Variants in LHFPL3 observed in about 807,000 individuals in gnomAD.
The protein encoded by LHFPL3 is LHFPL tetraspan subfamily member 3 protein.
Under a neutral mutation model 19.3 loss-of-function variants are expected in LHFPL3, and 5 were observed. That is an observed-to-expected ratio of 0.26 (90% CI 0.14 to 0.54). The LOEUF is 0.54. LHFPL3 is among the 20% of genes least tolerant of loss of function. LHFPL3 has a pLI of 0.94. For missense variants in LHFPL3, 249 were observed against 307.4 expected (o/e 0.81, Z 1.42); for synonymous variants, 133 against 126.2 (o/e 1.05, Z -0.36).
At chr7:104,400,764 TA>T (rs1022863681) in intron 1 of LHFPL3, among the ~76,000 whole-genome samples, 62 of 152,328 alleles carry the variant, frequency 4.1e-4, no homozygotes, top group African/African-American at 1.5e-3. Flanking sequence ...TCAAAATTTT[TA>T]TCAATATTTT....
rs557767833 is a variant in LHFPL3, at chr7:104,650,362, T to C, written c.446-86313T>C. Among the ~76,000 whole-genome samples the C allele has an allele frequency of 7.2e-5, 11 of 152,328 alleles. No individual in the cohort carries two copies. In the South Asian group the frequency reaches 1.9e-3, roughly 26 times the overall value. On this transcript the variant is annotated intron_variant, in intron 1 of 2. Coordinates refer to ENST00000424859, the MANE Select transcript of LHFPL3 (RefSeq NM_199000.3). ...ATACCATAGAGCAAGGAAGAGGCAC[T>C]TAGCAGACGACTCCCAGACAAAAAG...
chr7:104,346,841 A>T (rs1321705945), intron 1 of LHFPL3, among the ~76,000 whole-genome samples: 1 of 150,818 alleles, frequency 6.6e-6, no homozygotes, highest in African/African-American at 2.4e-5. Flanking sequence ...AATGTTGAGG[A>T]TCTCTTTGGG....
intron 2 of LHFPL3, among the ~76,000 whole-genome samples, chr7:104,755,688 CTTTGTTTG>C (rs57233807): frequency 4.6e-5 from 7 of 151,698 alleles, no homozygotes; most frequent in African/African-American, 7.3e-5. Flanking sequence ...TTGTTTGTTT[CTTTGTTTG>C]TTTGTTTGTT....
At chr7:104,903,026 C>T (rs951981555) in intron 2 of LHFPL3, among the ~76,000 whole-genome samples, 5 of 152,126 alleles carry the variant, frequency 3.3e-5, no homozygotes, top group African/African-American at 1.2e-4. Context: ...CCCAGGGAGA[C>T]ATCTGCCCTG....
intron 2 of LHFPL3, among the ~76,000 whole-genome samples, chr7:104,759,234 G>A (rs924417502): frequency 2.6e-5 from 4 of 152,164 alleles, no homozygotes; most frequent in African/African-American, 4.8e-5. Flanking sequence ...TGGGAGTGCT[G>A]GAAGATGGAA....
intron 1 of LHFPL3, among the ~76,000 whole-genome samples, chr7:104,365,478 C>T (rs1790468438): frequency 6.6e-6 from 1 of 151,246 alleles, no homozygotes; most frequent in Non-Finnish European, 1.5e-5. Flanking sequence ...GGCGAGGTAG[C>T]ATCAACAAGA....
intron 1 of LHFPL3, among the ~76,000 whole-genome samples, chr7:104,590,456 G>C (rs1485628394): frequency 1.3e-5 from 2 of 152,194 alleles, no homozygotes; most frequent in Admixed American, 6.5e-5. Flanking sequence ...GTTCTAGTTT[G>C]ATTGCACTGT....
At chr7:104,776,318 C>G (rs1172391718) in intron 2 of LHFPL3, among the ~76,000 whole-genome samples, 1 of 152,198 alleles carries the variant, frequency 6.6e-6, no homozygotes, top group Non-Finnish European at 1.5e-5. Context: ...CAGATGCTAC[C>G]GAGGCACCCA....
At chr7:104,668,917 G>T in intron 1 of LHFPL3, 1 of 1,612,422 alleles carries the variant, frequency 6.2e-7, no homozygotes, top group Non-Finnish European at 8.5e-7. Context: ...TCAGCTGGAT[G>T]GGCCAAAACT....
intron 1 of LHFPL3, among the ~76,000 whole-genome samples, chr7:104,623,433 C>G (rs1055472433): frequency 2.0e-5 from 3 of 151,466 alleles, no homozygotes; most frequent in African/African-American, 7.3e-5. Flanking sequence ...AGTTCGAGAC[C>G]AGCCTGGCCA....
At chr7:104,686,133 TA>T (rs1792800203) in intron 1 of LHFPL3, among the ~76,000 whole-genome samples, 1 of 152,152 alleles carries the variant, frequency 6.6e-6, no homozygotes, top group Non-Finnish European at 1.5e-5. Flanking sequence ...AAGGGGAACT[TA>T]GGCACAAGTG....
chr7:104,688,693 C>T (rs1418640376), intron 1 of LHFPL3, among the ~76,000 whole-genome samples: 1 of 152,116 alleles, frequency 6.6e-6, no homozygotes, highest in Non-Finnish European at 1.5e-5. Flanking sequence ...AGTTGCCAGG[C>T]AAGACAAGCT....
At chr7:104,422,803 A>G (rs962693517) in intron 1 of LHFPL3, among the ~76,000 whole-genome samples, 10 of 152,240 alleles carry the variant, frequency 6.6e-5, no homozygotes, top group African/African-American at 2.2e-4. Context: ...CCTTATTACC[A>G]TGACATGCTG....
intron 2 of LHFPL3, among the ~76,000 whole-genome samples, chr7:104,852,406 G>A (rs1791429582): frequency 6.6e-6 from 1 of 152,222 alleles, no homozygotes; most frequent in Non-Finnish European, 1.5e-5. Context: ...GAGGAGGAGG[G>A]CCATGCTGAA....
At chr7:104,753,406 G>A (rs1666404003) in intron 2 of LHFPL3, among the ~76,000 whole-genome samples, 1 of 152,096 alleles carries the variant, frequency 6.6e-6, no homozygotes, top group Admixed American at 6.5e-5. Flanking sequence ...CATATTTAAA[G>A]GGGAAATAAT....
chr7:104,895,489 G>A (rs549981402), intron 2 of LHFPL3: 1 of 152,418 alleles, frequency 6.6e-6, no homozygotes, highest in Non-Finnish European at 1.5e-5. Flanking sequence ...AGGAGGCAGT[G>A]AGGTAGAGCA....
intron 2 of LHFPL3, among the ~76,000 whole-genome samples, chr7:104,878,033 C>T (rs995829594): frequency 6.6e-6 from 1 of 152,100 alleles, no homozygotes; most frequent in Non-Finnish European, 1.5e-5. Flanking sequence ...CGGGGTTTCA[C>T]CATGTTGCCC....
intron 1 of LHFPL3, among the ~76,000 whole-genome samples, chr7:104,601,562 G>A (rs1359042289): frequency 3.3e-5 from 5 of 152,156 alleles, no homozygotes; most frequent in African/African-American, 2.4e-5. Context: ...GGTGGTCAGG[G>A]AAGCCTTCTC....
At chr7:104,460,439 A>G (rs528902085) in intron 1 of LHFPL3, among the ~76,000 whole-genome samples, 19 of 152,286 alleles carry the variant, frequency 1.2e-4, no homozygotes, top group Admixed American at 9.8e-4. Context: ...GCTTTCTACA[A>G]TAGTTGAATG....
Sources: allele counts gnomAD v4.1 joint callset (sites outside exome capture counted in the v4.1 genomes callset), GRCh38; gene constraint gnomAD v4.1.1; transcripts MANE v1.5; gene names NCBI Gene and HGNC (gene_info 2026-07-23, HGNC 2026-07-21).